The following SMYD1 variants were observed in gnomAD, a reference collection of about 807,000 sequenced individuals.
The protein encoded by SMYD1 is histone-lysine N-methyltransferase SMYD1.
In SMYD1, 49 loss-of-function variants were observed where a neutral mutation model predicts 54.0. The ratio of observed to expected loss-of-function variants is 0.91; its 90% CI spans 0.72 to 1.15. The LOEUF is 1.15. Among genes scored for constraint, SMYD1 ranks in the 50% most tolerant of loss-of-function variants. The pLI is 0.00. For synonymous variants in SMYD1, 269 were observed against 234.2 expected (o/e 1.15, Z -1.36); for missense variants, 653 against 639.6 (o/e 1.02, Z -0.23).
chr2:88,106,638 T>G, intron 8 of SMYD1, 150 bp downstream of exon 8: 1 of 789,406 alleles, frequency 1.3e-6, no homozygotes, highest in South Asian at 2.0e-5. Context: ...GACTGAGTCT[T>G]TTTATCATGG....
intron 3 of SMYD1, among the ~76,000 whole-genome samples, chr2:88,089,231 G>A (rs1223728796): frequency 4.6e-5 from 7 of 152,182 alleles, no homozygotes; most frequent in African/African-American, 1.7e-4. Flanking sequence ...CTGATTAAAT[G>A]AGGCCCACCC....
intron 6 of SMYD1, among the ~76,000 whole-genome samples, chr2:88,097,939 G>A (rs1674631353): frequency 6.6e-6 from 1 of 152,162 alleles, no homozygotes; most frequent in African/African-American, 2.4e-5. Flanking sequence ...AGACAAAGCA[G>A]TTGGGGTCCA....
chr2:88,088,148 G>T, intron 3 of SMYD1, 73 bp downstream of exon 3: 3 of 1,466,552 alleles, frequency 2.0e-6, no homozygotes, highest in Non-Finnish European at 2.7e-6. Context: ...ACTTGGGGAG[G>T]GTGGGGCTTC....
At chr2:88,070,099 G>GA (rs910764865) in intron 1 of SMYD1, among the ~76,000 whole-genome samples, 4 of 143,256 alleles carry the variant, frequency 2.8e-5, no homozygotes, top group African/African-American at 5.2e-5. Context: ...TAAAATGATT[G>GA]AAAAAAAATC....
Position 88,084,405 on chromosome 2 carries a change from G to C in SMYD1, c.227G>C (p.Arg76Pro). 4 of 1,608,632 alleles carry C rather than the reference G, an allele frequency of 2.5e-6. No individual in the cohort carries two copies. In the South Asian group the frequency reaches 3.3e-5, roughly 13 times the overall value. ...GQCKFAHYCD[R>P]TCQKDAWLNH... ...TGCAAGTTTGCCCATTACTGCGACCGCACCTGCCAGAAGGATGCTTGGCTG... is the reference window on the plus strand; with the variant it reads ...TGCAAGTTTGCCCATTACTGCGACCCCACCTGCCAGAAGGATGCTTGGCTG... The change falls in exon 2 of 10, where the codon CGC becomes CCC. Residue 76 changes from arginine to proline, a missense_variant. Coordinates refer to ENST00000419482, the MANE Select transcript of SMYD1 (RefSeq NM_198274.4).
chr2:88,087,870 C>T lies in SMYD1; in HGVS notation c.323C>T (p.Ala108Val), dbSNP rs200005035. ...CGCTGCCCTTCCCACAGGCTGGCGGCGCGCATCATGTGGCGGGTGGAGAGA... is the reference window on the plus strand; with the variant it reads ...CGCTGCCCTTCCCACAGGCTGGCGGTGCGCATCATGTGGCGGGTGGAGAGA... Reference protein sequence around the residue: ...KVPNENIRLAARIMWRVEREG... With the variant: ...KVPNENIRLAVRIMWRVEREG... The change falls in exon 3 of 10, where the codon GCG (alanine) becomes GTG (valine). Residue 108 changes from alanine (A) to valine (V), a missense_variant. Coordinates refer to ENST00000419482, the MANE Select transcript of SMYD1 (RefSeq NM_198274.4). 434 of 1,580,390 alleles carry T rather than the reference C, an allele frequency of 2.7e-4. 3 individuals are homozygous for T. In the East Asian group the frequency reaches 8.6e-3, roughly 31 times the overall value.
At chr2:88,097,511 G>A (rs1416205258) in intron 6 of SMYD1, among the ~76,000 whole-genome samples, 1 of 152,198 alleles carries the variant, frequency 6.6e-6, no homozygotes, top group East Asian at 1.9e-4. Context: ...GACTCCTCTT[G>A]TCCATTTCCT....
intron 7 of SMYD1, among the ~76,000 whole-genome samples, chr2:88,105,853 G>T (rs757086094): frequency 1.3e-5 from 2 of 152,080 alleles, no homozygotes; most frequent in Non-Finnish European, 2.9e-5. Flanking sequence ...CAGGAGAATC[G>T]CTTGAAGCTA....
chr2:88,112,294 C>T lies in SMYD1; in HGVS notation c.*1782C>T, dbSNP rs895603774. ...AAGCCCCTGGTCATTTCCCCATATTCGTAGTCTTTTTTTCCATCCTATCTT... is the reference window on the plus strand; with the variant it reads ...AAGCCCCTGGTCATTTCCCCATATTTGTAGTCTTTTTTTCCATCCTATCTT... On this transcript the variant is annotated 3_prime_UTR_variant, in exon 10 of 10. Coordinates refer to ENST00000419482, the MANE Select transcript of SMYD1 (RefSeq NM_198274.4). 1.5e-5 allele frequency: 9 copies of T among 616,884 alleles called. No individual in the cohort carries two copies. Among genetic ancestry groups the T allele is most frequent in the East Asian group, 1.1e-4 (4 of 36,378 alleles). 38.2% of individuals were successfully genotyped at this position (616,884 alleles called of 1,614,324 possible). A position where few individuals can be genotyped will look rare whatever the true frequency, so the allele number is the denominator to read the frequency against.
chr2:88,079,300 G>C (rs922889117), intron 1 of SMYD1, among the ~76,000 whole-genome samples: 1 of 152,160 alleles, frequency 6.6e-6, no homozygotes, highest in Non-Finnish European at 1.5e-5. Context: ...TATTCTTAGG[G>C]ACATAATATG....
At position 88,108,413 on chromosome 2, in the gene SMYD1, G is replaced by A. The variant is rs780000342; in HGVS notation, c.1188G>A (p.Val396=). 3.1e-6 allele frequency: 5 copies of A among 1,610,268 alleles called. No homozygotes were observed. Among genetic ancestry groups the A allele is most frequent in the African/African-American group, 1.3e-5 (1 of 74,786 alleles). Residue 396 remains valine, a synonymous_variant, in exon 9 of 10, where the codon GTG becomes GTA. Transcript: ENST00000419482. ...HPNNAQLGMA[V]MRAGLTNWHA... ...ACAATGCCCAACTGGGCATGGCCGT[G>A]ATGCGGGCAGGGCTGACCAACTGGC... is the stretch of plus-strand genomic sequence containing the variant.
In SMYD1 at chr2:88,108,404, C is replaced by A. The variant is rs763779676; in HGVS notation, c.1179C>A (p.Gly393=). 6.2e-7 allele frequency: 1 copy of A among 1,606,530 alleles called. No individual in the cohort carries two copies. The highest frequency in any genetic ancestry group is 8.5e-7 in the Non-Finnish European group (1 of 1,177,040). Residue 393 remains glycine (G), a synonymous_variant, in exon 9 of 10, where the codon GGC becomes GGA. Transcript: ENST00000419482. ...KLYHPNNAQL[G]MAVMRAGLTN... is the part of the protein sequence containing the mutation. ...ACCACCCCAACAATGCCCAACTGGG[C>A]ATGGCCGTGATGCGGGCAGGGCTGA...
Position 88,091,018 on chromosome 2 carries a change from T to A in SMYD1, c.535T>A (p.Cys179Ser). 6.2e-7 allele frequency: 1 copy of A among 1,613,344 alleles called. No homozygotes were observed. The highest frequency in any genetic ancestry group is 8.5e-7 in the Non-Finnish European group (1 of 1,179,490). The change falls in exon 4 of 10, where the codon TGC (cysteine) becomes AGC (serine). Residue 179 changes from cysteine (C) to serine (S), a missense_variant. By Grantham distance (112) the Cys-to-Ser change is moderately radical. Coordinates refer to ENST00000419482, the MANE Select transcript of SMYD1 (RefSeq NM_198274.4). ...CATCTTTTCCCCTGGGTAGATTAACTGCAACGGTTTTACTCTCAGTGATCA... is the reference window on the plus strand; with the variant it reads ...CATCTTTTCCCCTGGGTAGATTAACAGCAACGGTTTTACTCTCAGTGATCA... ...YISHIFGVINCNGFTLSDQRG... is the reference protein window; with the variant it reads ...YISHIFGVINSNGFTLSDQRG...
At chr2:88,106,511 A>G in intron 8 of SMYD1, 23 bp downstream of exon 8, 1 of 1,605,794 alleles carries the variant, frequency 6.2e-7, no homozygotes, top group Non-Finnish European at 8.5e-7. Context: ...TCTAGGTCTC[A>G]GATAGTCTCC....
intron 4 of SMYD1, among the ~76,000 whole-genome samples, chr2:88,093,259 C>T (rs1159428662): frequency 1.3e-5 from 2 of 152,216 alleles, no homozygotes; most frequent in African/African-American, 4.8e-5. Flanking sequence ...CACTGAAACA[C>T]AGGGAAGGGA....
chr2:88,081,560 C>T (rs188191387), intron 1 of SMYD1, among the ~76,000 whole-genome samples: 4 of 151,860 alleles, frequency 2.6e-5, no homozygotes, highest in Non-Finnish European at 4.4e-5. Flanking sequence ...TTCAGACTCC[C>T]GAGTAGCTGG....
chr2:88,088,162 G>A, intron 3 of SMYD1, 87 bp downstream of exon 3: 1 of 1,387,420 alleles, frequency 7.2e-7, no homozygotes, highest in South Asian at 1.5e-5. Flanking sequence ...GGGCTTCTCA[G>A]AAGTGAACTA....
rs1675038368 is a variant in SMYD1 at position 88,112,114 on chromosome 2, G to T, written c.*1602G>T. 2.8e-6 allele frequency: 2 copies of T among 703,408 alleles called. No homozygotes were observed. The allele number at this position is 703,408 out of a possible 1,614,324, so 43.6% of individuals were successfully genotyped here. Reference sequence around the variant, plus strand: ...TCCTTTCTGGAAGGTTTTACAAGAAGACTGATAGTCTTTCAAGCCCCCACA... The same window carrying T: ...TCCTTTCTGGAAGGTTTTACAAGAATACTGATAGTCTTTCAAGCCCCCACA... On this transcript the variant is annotated 3_prime_UTR_variant, in exon 10 of 10. Transcript: ENST00000419482.
intron 2 of SMYD1, among the ~76,000 whole-genome samples, chr2:88,084,694 G>T (rs928784070): frequency 1.3e-5 from 2 of 152,174 alleles, no homozygotes; most frequent in Non-Finnish European, 1.5e-5. Context: ...ATTCCAAACT[G>T]CAGTCACAGG....
Sources: allele counts gnomAD v4.1 joint callset (sites outside exome capture counted in the v4.1 genomes callset), GRCh38; gene constraint gnomAD v4.1.1; transcripts MANE v1.5; gene names NCBI Gene and HGNC (gene_info 2026-07-23, HGNC 2026-07-21).